Variants in CEP63 observed in about 807,000 individuals in gnomAD.
The protein encoded by CEP63 is centrosomal protein 63.
CEP63 carries 84 observed loss-of-function variants against 89.1 expected under a neutral mutation model. That is an observed-to-expected ratio of 0.94 (90% confidence interval 0.79 to 1.13). The LOEUF (loss-of-function observed/expected upper bound fraction) is 1.13. Ranked by LOEUF, CEP63 falls within the 50% of genes most tolerant of loss-of-function variation. The probability of loss-of-function intolerance (pLI) is 0.00; values close to 1 mark genes in which losing one functional copy is unlikely to be tolerated. For synonymous variants in CEP63, 267 were observed against 272.5 expected (o/e 0.98, Z 0.20); for missense variants, 838 against 813.3 (o/e 1.03, Z -0.37).
At chr3:134,731,648 C>T in the CEP63 span, among the ~76,000 whole-genome samples, 7 of 152,074 alleles carry the variant, frequency 4.6e-5, no homozygotes. Flanking sequence ...TTTGAGAAGG[C>T]AAGCAAGTAA....
At chr3:134,733,215 GAAT>G in the CEP63 span, among the ~76,000 whole-genome samples, 3 of 152,142 alleles carry the variant, frequency 2.0e-5, no homozygotes, top group African/African-American at 7.2e-5. Flanking sequence ...AAGACAGACT[GAAT>G]AATAATAAGT....
chr3:134,696,215 C>A, the CEP63 span, among the ~76,000 whole-genome samples: 1 of 152,302 alleles, frequency 6.6e-6, no homozygotes, highest in South Asian at 2.1e-4. Flanking sequence ...TCGCTGTGGG[C>A]AGTGTTTTAC....
At chr3:134,679,437 A>G in the CEP63 span, among the ~76,000 whole-genome samples, 1 of 152,230 alleles carries the variant, frequency 6.6e-6, no homozygotes, top group Non-Finnish European at 1.5e-5. Context: ...AGTGGGTGGC[A>G]GAAGCAGTCC....
At chr3:134,661,237 A>G in the CEP63 span, among the ~76,000 whole-genome samples, 1 of 152,122 alleles carries the variant, frequency 6.6e-6, no homozygotes, top group African/African-American at 2.4e-5. Context: ...ATATCCATCC[A>G]TCCACTCCAT....
At chr3:134,588,284 A>G (rs762338865), downstream of CEP63, among the ~76,000 whole-genome samples, 26 of 152,198 alleles carry the variant, frequency 1.7e-4, no homozygotes, top group Non-Finnish European at 2.4e-4. Context: ...ACAAGACTCT[A>G]TCTCAAAAAT....
intron 2 of CEP63, among the ~76,000 whole-genome samples, chr3:134,501,425 C>T (rs924135975): frequency 9.9e-5 from 15 of 152,160 alleles, no homozygotes; most frequent in Middle Eastern, 3.4e-3. Context: ...TTGGGCAGGA[C>T]GGCCGTTTTA....
chr3:134,535,515 A>G lies in CEP63; in HGVS notation c.442-1640A>G, dbSNP rs184765382. ...CTTTCCTTTCCTTTTTTTTTTTCCTATCTACGCTCACTCCCCTATTGATCC... is the reference window on the plus strand; with the variant it reads ...CTTTCCTTTCCTTTTTTTTTTTCCTGTCTACGCTCACTCCCCTATTGATCC... On this transcript the variant is annotated intron_variant, in intron 5 of 14. Transcript: ENST00000675561. 5 of 102,452 alleles carry G rather than the reference A, an allele frequency of 4.9e-5. No individual in the cohort carries two copies. The East Asian group carries it at 1.4e-3, about 29-fold the overall frequency. The allele number at this position is 102,452 out of a possible 1,614,324, so 6.3% of individuals were successfully genotyped here. A position where few individuals can be genotyped will look rare whatever the true frequency, so the allele number is the denominator to read the frequency against.
At chr3:134,550,725 G>A (rs558308700) in intron 11 of CEP63, among the ~76,000 whole-genome samples, 1 of 152,294 alleles carries the variant, frequency 6.6e-6, no homozygotes, top group East Asian at 1.9e-4. Context: ...GAAGGGCTAC[G>A]TTAGCCACGT....
At chr3:134,759,103 C>T in the CEP63 span, among the ~76,000 whole-genome samples, 1 of 152,168 alleles carries the variant, frequency 6.6e-6, no homozygotes, top group South Asian at 2.1e-4. Flanking sequence ...ACAGATTCTC[C>T]CCTAGAGCCT....
intron 9 of CEP63, among the ~76,000 whole-genome samples, chr3:134,548,297 T>G (rs1055103322): frequency 6.6e-6 from 1 of 152,218 alleles, no homozygotes; most frequent in Non-Finnish European, 1.5e-5. Context: ...GTTTTCCTCC[T>G]TGCCACCTCA....
intron 14 of CEP63, among the ~76,000 whole-genome samples, chr3:134,559,654 G>C (rs1956988025): frequency 6.6e-6 from 1 of 152,110 alleles, no homozygotes; most frequent in African/African-American, 2.4e-5. Context: ...GTATTCATTT[G>C]TCTTTAACCC....
downstream of CEP63, among the ~76,000 whole-genome samples, chr3:134,579,205 G>A (rs1577512390): frequency 6.6e-6 from 1 of 152,350 alleles, no homozygotes; most frequent in East Asian, 1.9e-4. Context: ...CACCATACAT[G>A]AAATTTGCAA....
At chr3:134,716,359 T>C in the CEP63 span, among the ~76,000 whole-genome samples, 1 of 152,194 alleles carries the variant, frequency 6.6e-6, no homozygotes, top group South Asian at 2.1e-4. Flanking sequence ...GAGGGCTGAA[T>C]TGCTCTGTGG....
At chr3:134,660,885 G>T in the CEP63 span, among the ~76,000 whole-genome samples, 1 of 152,160 alleles carries the variant, frequency 6.6e-6, no homozygotes, top group Non-Finnish European at 1.5e-5. Flanking sequence ...AGTGGGCTAG[G>T]AAGGGGCAAG....
the CEP63 span, among the ~76,000 whole-genome samples, chr3:134,675,218 C>A: frequency 1.3e-5 from 2 of 152,060 alleles, no homozygotes; most frequent in South Asian, 2.1e-4. Flanking sequence ...ATCAAGAGTC[C>A]AGAAATAAAC....
intron 2 of CEP63, among the ~76,000 whole-genome samples, chr3:134,500,062 G>A (rs1335396415): frequency 1.3e-5 from 2 of 152,030 alleles, no homozygotes; most frequent in African/African-American, 4.8e-5. Flanking sequence ...CTGATCTCAA[G>A]TGATCCCCCC....
At chr3:134,673,269 C>T in the CEP63 span, among the ~76,000 whole-genome samples, 2 of 152,198 alleles carry the variant, frequency 1.3e-5, no homozygotes, top group Non-Finnish European at 1.5e-5. Flanking sequence ...ACTACCTCCT[C>T]TCTGAGATCT....
intron 6 of CEP63, among the ~76,000 whole-genome samples, chr3:134,539,946 CTT>C (rs1163441543): frequency 6.6e-6 from 1 of 152,022 alleles, no homozygotes; most frequent in African/African-American, 2.4e-5. Flanking sequence ...TTTCTTCTGA[CTT>C]TGTGTATGCT....
the CEP63 span, among the ~76,000 whole-genome samples, chr3:134,606,844 G>A: frequency 2.5e-4 from 38 of 150,978 alleles, no homozygotes; most frequent in Admixed American, 5.3e-4. Flanking sequence ...TCCCCTCCAC[G>A]GCACTCTCCT....
Sources: allele counts gnomAD v4.1 joint callset (sites outside exome capture counted in the v4.1 genomes callset), GRCh38; gene constraint gnomAD v4.1.1; transcripts MANE v1.5; gene names NCBI Gene and HGNC (gene_info 2026-07-23, HGNC 2026-07-21).